The following EIF4A2 variants were observed in gnomAD, a reference collection of about 807,000 sequenced individuals.
The protein encoded by EIF4A2 is eukaryotic translation initiation factor 4A2.
In EIF4A2, 9 loss-of-function variants were observed where a neutral mutation model predicts 50.6. The observed-to-expected ratio is 0.18, with a 90% confidence interval of 0.11 to 0.31. EIF4A2 has a LOEUF of 0.31. EIF4A2 is among the 10% of genes least tolerant of loss of function. The probability of loss-of-function intolerance (pLI) is 1.00; values close to 1 mark genes in which losing one functional copy is unlikely to be tolerated. For synonymous variants in EIF4A2, 215 were observed against 164.4 expected (o/e 1.31, Z -2.35); for missense variants, 182 against 501.8 (o/e 0.36, Z 6.09).
rs771307950 is a variant in EIF4A2, at chr3:186,784,596, T to C, written c.108T>C (p.Asp36=). The change falls in exon 3 of 11, where the codon GAT becomes GAC. Residue 36 remains aspartate (D), a synonymous_variant. Coordinates refer to ENST00000323963, the MANE Select transcript of EIF4A2 (RefSeq NM_001967.4). ...GGAATGAGATTGTTGATAACTTTGA[T>C]GATATGAATTTAAAGGAGTCTCTCC... The part of the protein sequence containing the change: ...SNWNEIVDNF[D]DMNLKESLLR... 14 of 1,614,136 alleles carry C rather than the reference T, an allele frequency of 8.7e-6. No homozygotes were observed. Among genetic ancestry groups the C allele is most frequent in the Admixed American group, 5.0e-5 (3 of 60,012 alleles).
In EIF4A2 at chr3:186,787,525, G is replaced by A; in HGVS notation, c.940G>A (p.Val314Ile). 1 of 1,613,614 alleles carries A rather than the reference G, an allele frequency of 6.2e-7. No individual in the cohort carries two copies. ...TGACATGGACCAGAAGGAGAGAGAT[G>A]TTATCATGAGGGAATTCCGGTCAGG... ...HGDMDQKERD[V>I]IMREFRSGSS... Residue 314 changes from valine to isoleucine, a missense_variant, in exon 9 of 11, where the codon GTT (valine) becomes ATT (isoleucine). Around this residue, in one of 7 missense-constraint regions of EIF4A2, gnomAD observed 113 missense variants for 357.3 expected, o/e 0.32. Transcript: ENST00000323963.
intron 1 of EIF4A2, chr3:186,784,213 G>A: frequency 1.6e-6 from 1 of 627,416 alleles, no homozygotes; most frequent in Non-Finnish European, 2.7e-6. Context: ...AGTTGAAACG[G>A]GATCGCCATG....
intron 7 of EIF4A2, 100 bp from the exon 8 acceptor site, chr3:186,787,027 G>A: frequency 6.8e-7 from 1 of 1,479,000 alleles, no homozygotes; most frequent in Non-Finnish European, 9.2e-7. Flanking sequence ...CAAAGGGCTG[G>A]GATTACAGGC....
At chr3:186,785,562 T>C (rs1721647430) in intron 4 of EIF4A2, 1 of 323,688 alleles carries the variant, frequency 3.1e-6, no homozygotes, top group Non-Finnish European at 5.7e-6. Flanking sequence ...AAAAATCATT[T>C]GCCCTAGCTG....
Position 186,783,622 on chromosome 3 carries a change from C to T in EIF4A2, c.12C>T (p.Gly4=), listed in dbSNP as rs757953604. 19 of 1,614,176 alleles carry T rather than the reference C, an allele frequency of 1.2e-5. No homozygotes were observed. Among genetic ancestry groups the T allele is most frequent in the South Asian group, 8.8e-5 (8 of 91,086 alleles). The part of the protein sequence containing the change: MSG[G]SADYNREHGG... ...TGGTTTTTCGGATCATGTCTGGTGG[C>T]TCCGCGGATTATAACAGGTATGCAG... Residue 4 remains glycine (G), a synonymous_variant, in exon 1 of 11, where the codon GGC becomes GGT. Transcript: ENST00000323963.
At chr3:186,784,296 T>TC in intron 1 of EIF4A2, 136 bp from the exon 2 acceptor site, 1 of 1,282,968 alleles carries the variant, frequency 7.8e-7, no homozygotes, top group Non-Finnish European at 1.1e-6. Context: ...ACAGTGTGGA[T>TC]ATTCGCCCTG....
At chr3:186,786,792 C>T (rs1020529112) in intron 7 of EIF4A2, 147 bp downstream of exon 7, 3 of 1,119,074 alleles carry the variant, frequency 2.7e-6, no homozygotes, top group Admixed American at 3.4e-5. Context: ...ATTGTAAAGA[C>T]TGGGGTGGAC....
chr3:186,789,379 T>TCTGATCAGATCAG lies in EIF4A2; in HGVS notation c.*110_*111insCTGATCAGATCAG. 7.0e-7 allele frequency: 1 copy of TCTGATCAGATCAG among 1,426,888 alleles called. No homozygotes were observed. Among genetic ancestry groups the TCTGATCAGATCAG allele is most frequent in the Non-Finnish European group, 9.4e-7 (1 of 1,069,114 alleles). The allele number at this position is 1,426,888 out of a possible 1,614,324, so 88.4% of individuals were successfully genotyped here. On this transcript the variant is annotated 3_prime_UTR_variant, in exon 11 of 11. Coordinates refer to ENST00000323963, the MANE Select transcript of EIF4A2 (RefSeq NM_001967.4). The stretch of plus-strand genomic sequence containing the variant: ...TATTTGAATCTTGTCTCAATGCTCA[T>TCTGATCAGATCAG]AACGGATCAGAAATACAGATTTTGA...
At chr3:186,784,012 T>C in intron 1 of EIF4A2, 1 of 421,802 alleles carries the variant, frequency 2.4e-6, no homozygotes, top group African/African-American at 2.0e-5. Flanking sequence ...GGGAGGGTCC[T>C]AGGCTTTACT....
At chr3:186,788,675 A>G (rs924343552) in intron 10 of EIF4A2, 1 of 233,104 alleles carries the variant, frequency 4.3e-6, no homozygotes, top group Admixed American at 5.2e-5. Flanking sequence ...TCCCACTGGA[A>G]AAAAGTAAGT....
chr3:186,788,323 C>T, intron 10 of EIF4A2: 3 of 1,290,134 alleles, frequency 2.3e-6, no homozygotes, highest in Non-Finnish European at 3.0e-6. Context: ...TCGATAGCAG[C>T]AGTTGGTGAC....
chr3:186,785,244 T>C, intron 4 of EIF4A2, 143 bp downstream of exon 4: 1 of 1,286,116 alleles, frequency 7.8e-7, no homozygotes, highest in Admixed American at 2.5e-5. Flanking sequence ...GAGTTTTTGT[T>C]GAAAGTTTTA....
At chr3:186,784,108 C>T (rs1277593768) in intron 1 of EIF4A2, 3 of 483,566 alleles carry the variant, frequency 6.2e-6, no homozygotes, top group Non-Finnish European at 7.5e-6. Flanking sequence ...CCGTTGGCAT[C>T]GCCCTCGCCA....
chr3:186,786,338 C>G (rs960224456), intron 6 of EIF4A2, 65 bp downstream of exon 6: 14 of 1,538,130 alleles, frequency 9.1e-6, no homozygotes, highest in Middle Eastern at 2.1e-4. Flanking sequence ...GGTACTGTTA[C>G]AATACAACTG....
chr3:186,786,737 A>G (rs779492327), intron 7 of EIF4A2, 92 bp downstream of exon 7: 9 of 1,540,094 alleles, frequency 5.8e-6, no homozygotes, highest in African/African-American at 1.4e-5. Context: ...GGTTTTTGCA[A>G]TAATGCTAGC....
At chr3:186,787,685 A>C in intron 9 of EIF4A2, 101 bp downstream of exon 9, 2 of 1,585,128 alleles carry the variant, frequency 1.3e-6, no homozygotes, top group South Asian at 1.1e-5. Context: ...GGAAGAGTAA[A>C]AGACCACACT....
chr3:186,788,910 CAT>C, intron 10 of EIF4A2: 1 of 549,512 alleles, frequency 1.8e-6, no homozygotes, highest in Non-Finnish European at 3.0e-6. Flanking sequence ...ATAAAAATCT[CAT>C]TTTGCAGCCA....
rs1345375794 is a variant in EIF4A2 at position 186,783,714 on chromosome 3, G to A, written c.29+75G>A. 13 of 1,609,280 alleles carry A rather than the reference G, an allele frequency of 8.1e-6. No homozygotes were observed. The Admixed American group carries it at 2.2e-4, about 27-fold the overall frequency. On this transcript the variant is annotated intron_variant, in intron 1 of 10. Coordinates refer to ENST00000323963, the MANE Select transcript of EIF4A2 (RefSeq NM_001967.4). ...CAGGGGAGATGATAGTGGATGGCAC[G>A]GAGGCAAAAACTCTAAATTAATGGA...
rs1442949011 is a variant in EIF4A2, at chr3:186,789,746, T to TAAAGTATTTAA, written c.*478_*488dup. On this transcript the variant is annotated 3_prime_UTR_variant, in exon 11 of 11. Coordinates refer to ENST00000323963, the MANE Select transcript of EIF4A2 (RefSeq NM_001967.4). ...TTTGTTTGGTATTGTATTTATTCAA[T>TAAAGTATTTAA]AAAGTATTTAATTAGTGCTAAGTGT... is the stretch of plus-strand genomic sequence containing the variant. The TAAAGTATTTAA allele has an allele frequency of 2.1e-6, 1 of 468,838 alleles. No homozygotes were observed. The highest frequency in any genetic ancestry group is 2.0e-5 in the African/African-American group (1 of 50,102). 29.0% of individuals were successfully genotyped at this position (468,838 alleles called of 1,614,324 possible). A position where few individuals can be genotyped will look rare whatever the true frequency, so the allele number is the denominator to read the frequency against.
Sources: gnomAD v4.1 joint callset for allele counts on GRCh38, gnomAD v4.1.1 for gene constraint, gnomAD v4.1.1 regional missense constraint, MANE v1.5 for transcripts, NCBI Gene and HGNC (gene_info 2026-07-23, HGNC 2026-07-21) for gene names.